Variants in VTI1A observed in about 807,000 individuals in gnomAD.
VTI1A encodes vesicle transport through interaction with t-SNAREs homolog 1A.
A neutral mutation model predicts 34.9 loss-of-function variants in VTI1A; 22 were observed. The ratio of observed to expected loss-of-function variants is 0.63; its 90% CI spans 0.45 to 0.90. VTI1A has a LOEUF of 0.90. VTI1A is among the 40% of genes least tolerant of loss of function. VTI1A has a pLI of 0.00. For synonymous variants in VTI1A, 87 were observed against 97.3 expected (o/e 0.89, Z 0.62); for missense variants, 268 against 275.6 (o/e 0.97, Z 0.20).
At chr10:112,777,715 A>T (rs1396511092) in intron 7 of VTI1A, among the ~76,000 whole-genome samples, 2 of 152,222 alleles carry the variant, frequency 1.3e-5, no homozygotes, top group Non-Finnish European at 2.9e-5. Flanking sequence ...ACATTGTGGC[A>T]TTCATTCTCT....
At chr10:112,759,762 C>A (rs566651842) in intron 7 of VTI1A, among the ~76,000 whole-genome samples, 1 of 152,164 alleles carries the variant, frequency 6.6e-6, no homozygotes, top group Non-Finnish European at 1.5e-5. Flanking sequence ...CTTCCCCAGC[C>A]CCCTTCCCAC....
chr10:112,742,467 C>A (rs1314419563), intron 7 of VTI1A, among the ~76,000 whole-genome samples: 1 of 152,102 alleles, frequency 6.6e-6, no homozygotes, highest in African/African-American at 2.4e-5. Flanking sequence ...TGGTTGTATC[C>A]CTAGGGCATA....
At chr10:112,474,922 C>A (rs1848227617) in intron 3 of VTI1A, among the ~76,000 whole-genome samples, 1 of 152,166 alleles carries the variant, frequency 6.6e-6, no homozygotes, top group Admixed American at 6.5e-5. Context: ...CAAAGGCCAA[C>A]ACAGGAAAGG....
At chr10:112,771,937 T>C (rs1347263794) in intron 7 of VTI1A, among the ~76,000 whole-genome samples, 1 of 152,236 alleles carries the variant, frequency 6.6e-6, no homozygotes, top group Admixed American at 6.5e-5. Context: ...CCATGCCACA[T>C]TTTGTTTACC....
At chr10:112,469,560 A>G (rs1848010167) in intron 3 of VTI1A, among the ~76,000 whole-genome samples, 1 of 152,156 alleles carries the variant, frequency 6.6e-6, no homozygotes, top group Non-Finnish European at 1.5e-5. Context: ...TTCAGAGTTT[A>G]TTGTTAGACT....
At chr10:112,507,115 G>A (rs1375747777) in intron 3 of VTI1A, among the ~76,000 whole-genome samples, 2 of 152,122 alleles carry the variant, frequency 1.3e-5, no homozygotes, top group Non-Finnish European at 2.9e-5. Flanking sequence ...GAAGGGTTAA[G>A]TCAATCTGAT....
intron 2 of VTI1A, among the ~76,000 whole-genome samples, chr10:112,462,255 C>T (rs1286245742): frequency 6.6e-6 from 1 of 152,234 alleles, no homozygotes; most frequent in Non-Finnish European, 1.5e-5. Flanking sequence ...GTCTCTTGGA[C>T]ACTACACATC....
intron 7 of VTI1A, among the ~76,000 whole-genome samples, chr10:112,727,703 T>C (rs565283563): frequency 3.9e-5 from 6 of 152,238 alleles, no homozygotes; most frequent in African/African-American, 1.4e-4. Flanking sequence ...TCAAGTATAA[T>C]GATAGTCACA....
chr10:112,713,886 A>T (rs1171993694), intron 7 of VTI1A, among the ~76,000 whole-genome samples: 2 of 152,138 alleles, frequency 1.3e-5, no homozygotes, highest in Non-Finnish European at 2.9e-5. Flanking sequence ...TTGGTATAGG[A>T]AATAATTTTT....
chr10:112,752,558 C>T (rs1851139672), intron 7 of VTI1A: 3 of 985,276 alleles, frequency 3.0e-6, no homozygotes, highest in Admixed American at 1.2e-4. Flanking sequence ...TCAGGGGGAA[C>T]ATGCTTTGGA....
At chr10:112,754,699 T>A (rs1851220058) in intron 7 of VTI1A, among the ~76,000 whole-genome samples, 1 of 152,180 alleles carries the variant, frequency 6.6e-6, no homozygotes, top group Admixed American at 6.5e-5. Context: ...ATCGTCTCTG[T>A]CTTTATGCCC....
At chr10:112,737,551 G>A in intron 7 of VTI1A, 2 of 1,050,320 alleles carry the variant, frequency 1.9e-6, no homozygotes, top group Non-Finnish European at 2.3e-6. Flanking sequence ...TGAGCAAGGA[G>A]CCTGCATTCC....
intron 5 of VTI1A, among the ~76,000 whole-genome samples, chr10:112,628,436 C>T (rs1286435351): frequency 1.3e-5 from 2 of 152,146 alleles, no homozygotes; most frequent in African/African-American, 4.8e-5. Flanking sequence ...GGGATGCAAA[C>T]ATGTATAATA....
intron 3 of VTI1A, among the ~76,000 whole-genome samples, chr10:112,519,006 T>C (rs1849913365): frequency 6.6e-6 from 1 of 152,082 alleles, no homozygotes; most frequent in African/African-American, 2.4e-5. Context: ...TGCCTAAACA[T>C]CATAGTTTTA....
chr10:112,667,380 A>T (rs1433222168), intron 5 of VTI1A, among the ~76,000 whole-genome samples: 2 of 152,282 alleles, frequency 1.3e-5, no homozygotes, highest in African/African-American at 4.8e-5. Context: ...GATTTATTCA[A>T]GGCAGCTGGT....
In VTI1A at chr10:112,542,439, C is replaced by G. The variant is rs572668300; in HGVS notation, c.427+4109C>G. 1.3e-5 allele frequency among the ~76,000 whole-genome samples: 2 copies of G among 152,186 alleles called. 1 individual carries two copies. Among genetic ancestry groups the G allele is most frequent in the Admixed American group, 1.3e-4 (2 of 15,296 alleles). ...TGCTCCCCCATCCCTCACCAGCAAG[C>G]CTTACAAGTTGTCACCCCTTCTCTC... On this transcript the variant is annotated intron_variant, in intron 5 of 7. Transcript: ENST00000393077.
At chr10:112,587,119 G>A (rs1216520049) in intron 5 of VTI1A, among the ~76,000 whole-genome samples, 2 of 152,092 alleles carry the variant, frequency 1.3e-5, no homozygotes, top group African/African-American at 4.8e-5. Flanking sequence ...CTTTTACAGG[G>A]ATCAACATCT....
At chr10:112,725,275 A>G (rs1373850570) in intron 7 of VTI1A, among the ~76,000 whole-genome samples, 6 of 152,236 alleles carry the variant, frequency 3.9e-5, no homozygotes, top group Middle Eastern at 6.8e-3. Flanking sequence ...TGTCCTGTAG[A>G]TTATCGTCCT....
intron 3 of VTI1A, among the ~76,000 whole-genome samples, chr10:112,473,103 CTT>C (rs201001465): frequency 1.1e-4 from 15 of 133,852 alleles, no homozygotes; most frequent in East Asian, 1.1e-3. Flanking sequence ...ATTTGATCCA[CTT>C]TTTTTTTTTT....
Sources: allele counts gnomAD v4.1 joint callset (sites outside exome capture counted in the v4.1 genomes callset), GRCh38; gene constraint gnomAD v4.1.1; transcripts MANE v1.5; gene names NCBI Gene and HGNC (gene_info 2026-07-23, HGNC 2026-07-21).